Variants in TMEM71 observed in about 807,000 individuals in gnomAD.
The protein encoded by TMEM71 is transmembrane protein 71.
A neutral mutation model predicts 38.0 loss-of-function variants in TMEM71; 44 were observed. That is an observed-to-expected ratio of 1.16 (90% CI 0.91 to 1.49). TMEM71 has a LOEUF of 1.49. Ranked by LOEUF, TMEM71 falls within the 40% of genes most tolerant of loss-of-function variation. The pLI, the probability that TMEM71 is intolerant of heterozygous loss-of-function variation, is 0.00. For synonymous variants in TMEM71, 133 were observed against 122.5 expected, an observed-to-expected ratio of 1.09 and a Z score of -0.56; for missense variants, 367 against 348.6, an observed-to-expected ratio of 1.05 and a Z score of -0.42.
intron 3 of TMEM71, among the ~76,000 whole-genome samples, chr8:132,755,577 G>A (rs954878226): frequency 2.0e-5 from 3 of 152,154 alleles, no homozygotes; most frequent in Admixed American, 6.5e-5. Context: ...AGACTGGTTG[G>A]TGAAAGGACA....
intron 5 of TMEM71, among the ~76,000 whole-genome samples, chr8:132,742,973 A>T (rs1828129593): frequency 2.0e-5 from 3 of 152,176 alleles, no homozygotes; most frequent in Admixed American, 2.0e-4. Flanking sequence ...GTGCAGGGAA[A>T]CTTCCCCTGA....
At chr8:132,763,327 G>A (rs1829325951), upstream of TMEM71, among the ~76,000 whole-genome samples, 1 of 152,156 alleles carries the variant, frequency 6.6e-6, no homozygotes, top group Non-Finnish European at 1.5e-5. Context: ...CATTTTAATA[G>A]CCCAAGTATC....
chr8:132,757,398 G>A, intron 2 of TMEM71, 104 bp from the exon 3 acceptor site: 1 of 791,278 alleles, frequency 1.3e-6, no homozygotes, highest in Non-Finnish European at 2.1e-6. Flanking sequence ...GTGGAGGCAT[G>A]TAAGAAGATG....
chr8:132,728,089 CA>C, intron 5 of TMEM71, 103 bp from the exon 6 acceptor site: 1 of 843,488 alleles, frequency 1.2e-6, no homozygotes, highest in Non-Finnish European at 1.8e-6. Context: ...CTAATAATCA[CA>C]AAAATAGTAA....
rs376065359 is a variant in TMEM71 at position 132,711,033 on chromosome 8, G to A, written c.873-51C>T. ...ATGCATAATTCATCCCCATGCACAG[G>A]AAATGCAGTATCTAATCACTGCATA... On this transcript the variant is annotated intron_variant, in intron 9 of 9. Coordinates refer to ENST00000677595, the MANE Select transcript of TMEM71 (RefSeq NM_001382403.1). 1.0e-5 allele frequency: 16 copies of A among 1,574,744 alleles called. No homozygotes were observed. In the African/African-American group the frequency reaches 2.1e-4, roughly 21 times the overall value.
At chr8:132,769,117 A>G in the TMEM71 span, among the ~76,000 whole-genome samples, 26 of 152,392 alleles carry the variant, frequency 1.7e-4, no homozygotes, top group South Asian at 5.4e-3. Flanking sequence ...AAATGGAAGT[A>G]GAATATTTTC....
At chr8:132,722,003 A>G (rs769332151) in intron 7 of TMEM71, 37 bp downstream of exon 7, 4 of 1,540,278 alleles carry the variant, frequency 2.6e-6, no homozygotes, top group Non-Finnish European at 3.6e-6. Flanking sequence ...TTCACTAATT[A>G]TGAAATACCG....
intron 9 of TMEM71, among the ~76,000 whole-genome samples, chr8:132,711,891 G>T (rs1377492198): frequency 1.3e-5 from 2 of 152,024 alleles, no homozygotes; most frequent in African/African-American, 4.8e-5. Flanking sequence ...CAGTTCCTTA[G>T]ATTCTCATCA....
At chr8:132,745,636 G>A (rs1828295339) in intron 5 of TMEM71, among the ~76,000 whole-genome samples, 1 of 152,030 alleles carries the variant, frequency 6.6e-6, no homozygotes, top group South Asian at 2.1e-4. Context: ...AAAGACCTTA[G>A]AACCACGATT....
intron 8 of TMEM71, 36 bp downstream of exon 8, chr8:132,714,118 G>A: frequency 6.2e-7 from 1 of 1,608,014 alleles, no homozygotes; most frequent in East Asian, 2.2e-5. Context: ...ATGAAATACA[G>A]GCATCATTGC....
At chr8:132,717,158 C>G (rs1294026842) in intron 7 of TMEM71, among the ~76,000 whole-genome samples, 1 of 152,248 alleles carries the variant, frequency 6.6e-6, no homozygotes, top group South Asian at 2.1e-4. Context: ...TGAGAAACTT[C>G]ATGACATTGG....
At chr8:132,724,591 A>C (rs1176791938) in intron 6 of TMEM71, among the ~76,000 whole-genome samples, 1 of 152,158 alleles carries the variant, frequency 6.6e-6, no homozygotes, top group Non-Finnish European at 1.5e-5. Flanking sequence ...CACTGATTTC[A>C]TATTGTTCAA....
intron 6 of TMEM71, among the ~76,000 whole-genome samples, chr8:132,725,896 T>C (rs1372729470): frequency 1.3e-5 from 2 of 152,316 alleles, no homozygotes; most frequent in Admixed American, 1.3e-4. Context: ...TATTTGTTCT[T>C]ACAAAACTCT....
intron 2 of TMEM71, among the ~76,000 whole-genome samples, chr8:132,757,556 G>A (rs1452995466): frequency 6.6e-6 from 1 of 152,096 alleles, no homozygotes; most frequent in Non-Finnish European, 1.5e-5. Flanking sequence ...TCCGGGCGCA[G>A]TGTCTCACTC....
chr8:132,756,964 G>T (rs1829053319), intron 3 of TMEM71, among the ~76,000 whole-genome samples: 2 of 151,744 alleles, frequency 1.3e-5, no homozygotes, highest in Admixed American at 1.3e-4. Flanking sequence ...TCGGCTCACC[G>T]CAAGCTCCGC....
At chr8:132,739,554 G>A (rs932324613) in intron 5 of TMEM71, among the ~76,000 whole-genome samples, 53 of 151,944 alleles carry the variant, frequency 3.5e-4, no homozygotes, top group African/African-American at 1.2e-3. Context: ...CTCGTGATCC[G>A]CCTGCCTCGG....
At chr8:132,762,530 T>C (rs1829315937), upstream of TMEM71, among the ~76,000 whole-genome samples, 2 of 152,152 alleles carry the variant, frequency 1.3e-5, no homozygotes, top group Non-Finnish European at 2.9e-5. Flanking sequence ...TTATTAATGA[T>C]CATAATAATT....
intron 7 of TMEM71, among the ~76,000 whole-genome samples, chr8:132,716,435 T>TA (rs1192245709): frequency 1.3e-5 from 2 of 152,208 alleles, no homozygotes; most frequent in African/African-American, 4.8e-5. Context: ...ATTTTGTCTG[T>TA]AAAAAAGCTA....
At chr8:132,726,636 C>G (rs1001516270) in intron 6 of TMEM71, among the ~76,000 whole-genome samples, 1 of 152,128 alleles carries the variant, frequency 6.6e-6, no homozygotes, top group Non-Finnish European at 1.5e-5. Flanking sequence ...TCTCAGCAAG[C>G]CAATGACAGA....
Sources: gnomAD v4.1 joint callset for allele counts (sites outside exome capture counted in the v4.1 genomes callset) on GRCh38, gnomAD v4.1.1 for gene constraint, MANE v1.5 for transcripts, NCBI Gene and HGNC (gene_info 2026-07-23, HGNC 2026-07-21) for gene names.